MACROH2A1: variants seen among roughly 807,000 people sequenced by gnomAD.
The protein encoded by MACROH2A1 is macroH2A.1 histone.
In MACROH2A1, 2 loss-of-function variants were observed where a neutral mutation model predicts 31.6. The observed-to-expected ratio is 0.06, with a 90% CI of 0.03 to 0.20. The LOEUF is 0.20. Ranked by LOEUF, MACROH2A1 falls within the 10% of genes least tolerant of loss-of-function variation. The probability of loss-of-function intolerance (pLI) is 1.00; values close to 1 mark genes in which losing one functional copy is unlikely to be tolerated. For missense variants in MACROH2A1, 230 were observed against 474.0 expected (o/e 0.49, Z 4.78); for synonymous variants, 169 against 189.6 (o/e 0.89, Z 0.89).
At chr5:135,361,826 T>C (rs1386304078) in intron 4 of MACROH2A1, 2 of 152,270 alleles carry the variant, frequency 1.3e-5, no homozygotes, top group African/African-American at 4.8e-5. Flanking sequence ...CTTTTGCTAA[T>C]GGCTTTTAAC....
intron 2 of MACROH2A1, among the ~76,000 whole-genome samples, chr5:135,387,087 C>T (rs898938282): frequency 3.1e-4 from 47 of 152,174 alleles, no homozygotes; most frequent in Non-Finnish European, 3.2e-4. Flanking sequence ...TCACAGAGCA[C>T]GTACACTAAC....
intron 5 of MACROH2A1, chr5:135,359,228 G>A (rs1361890695): frequency 6.1e-6 from 6 of 985,292 alleles, no homozygotes; most frequent in Non-Finnish European, 6.0e-6. Flanking sequence ...GAGGGAGAAG[G>A]TGACCCCAAG....
At chr5:135,337,746 G>A (rs1352390653) in intron 8 of MACROH2A1, among the ~76,000 whole-genome samples, 4 of 152,194 alleles carry the variant, frequency 2.6e-5, no homozygotes, top group Non-Finnish European at 4.4e-5. Flanking sequence ...GGGGAGAGAG[G>A]TCAGTATCAA....
At chr5:135,356,418 G>A (rs12655487) in intron 5 of MACROH2A1, 2 of 152,366 alleles carry the variant, frequency 1.3e-5, no homozygotes, top group African/African-American at 4.8e-5. Flanking sequence ...TCTCTTTGAA[G>A]GCAGGAGTGG....
chr5:135,342,489 G>A (rs1760059209), intron 8 of MACROH2A1, among the ~76,000 whole-genome samples: 1 of 152,214 alleles, frequency 6.6e-6, no homozygotes, highest in Non-Finnish European at 1.5e-5. Context: ...CAACCAGGTA[G>A]GTATTGTGGG....
chr5:135,334,797 A>G lies in MACROH2A1; in HGVS notation c.*179T>C. ...AGTAATGCCAACTATCAGTGCTAAC[A>G]TAAAAACATTTTAGAAGGTCAAAAA... On this transcript the variant is annotated 3_prime_UTR_variant, in exon 9 of 9. Coordinates refer to ENST00000511689, the MANE Select transcript of MACROH2A1 (RefSeq NM_138610.3). The G allele has an allele frequency of 6.7e-6, 4 of 601,266 alleles. No homozygotes were observed. Among genetic ancestry groups the G allele is most frequent in the Middle Eastern group, 4.5e-4 (1 of 2,210 alleles). 37.2% of individuals were successfully genotyped at this position (601,266 alleles called of 1,614,324 possible).
intron 5 of MACROH2A1, chr5:135,356,569 G>A (rs933507025): frequency 2.6e-5 from 4 of 152,102 alleles, no homozygotes; most frequent in African/African-American, 7.2e-5. Flanking sequence ...TTCCTTTAAG[G>A]CATTGTTAAT....
chr5:135,335,218 C>G, intron 8 of MACROH2A1, 77 bp from the exon 9 acceptor site: 1 of 1,072,512 alleles, frequency 9.3e-7, no homozygotes, highest in Non-Finnish European at 1.4e-6. Context: ...TACAGGCCAC[C>G]TCCCTCTGTG....
intron 2 of MACROH2A1, among the ~76,000 whole-genome samples, chr5:135,383,949 A>C (rs1454676633): frequency 3.3e-5 from 5 of 152,174 alleles, no homozygotes; most frequent in Admixed American, 1.3e-4. Flanking sequence ...TTGGAGCATC[A>C]AAGAGCCAAG....
At chr5:135,393,490 G>A (rs1767539775) in intron 1 of MACROH2A1, among the ~76,000 whole-genome samples, 1 of 152,222 alleles carries the variant, frequency 6.6e-6, no homozygotes, top group Non-Finnish European at 1.5e-5. Context: ...TTTGACCCAT[G>A]TTCTGCATCC....
Position 135,334,938 on chromosome 5 carries a change from T to G in MACROH2A1, c.*38A>C. 1 of 1,554,224 alleles carries G rather than the reference T, an allele frequency of 6.4e-7. No individual in the cohort carries two copies. The highest frequency in any genetic ancestry group is 8.8e-7 in the Non-Finnish European group (1 of 1,136,936). On this transcript the variant is annotated 3_prime_UTR_variant, in exon 9 of 9. Transcript: ENST00000511689. ...TTTTTTTTTTCTTTTAAACTGAAGGTGGGGTACATGGTGCAGCTGGTTCTG... is the reference window on the plus strand; with the variant it reads ...TTTTTTTTTTCTTTTAAACTGAAGGGGGGGTACATGGTGCAGCTGGTTCTG...
At chr5:135,346,369 G>A in intron 6 of MACROH2A1, 3 of 328,684 alleles carry the variant, frequency 9.1e-6, no homozygotes, top group South Asian at 7.0e-5. Flanking sequence ...AAACATGCTT[G>A]TCCTGGATGC....
intron 2 of MACROH2A1, among the ~76,000 whole-genome samples, chr5:135,374,995 T>G (rs1304216069): frequency 6.6e-6 from 1 of 152,206 alleles, no homozygotes; most frequent in Non-Finnish European, 1.5e-5. Flanking sequence ...ACTAGACTGA[T>G]TTGGGGCCCA....
chr5:135,356,866 G>C (rs761074787), intron 5 of MACROH2A1: 14 of 152,210 alleles, frequency 9.2e-5, no homozygotes, highest in Non-Finnish European at 1.3e-4. Flanking sequence ...GATAGTGCCT[G>C]AGTAGTATGT....
intron 6 of MACROH2A1, among the ~76,000 whole-genome samples, chr5:135,350,254 A>G (rs969717647): frequency 6.6e-5 from 10 of 152,190 alleles, no homozygotes; most frequent in African/African-American, 2.4e-4. Context: ...ATACCATGTC[A>G]GATTGAGGTG....
chr5:135,340,132 G>A (rs920269545), intron 8 of MACROH2A1, among the ~76,000 whole-genome samples: 3 of 152,130 alleles, frequency 2.0e-5, no homozygotes, highest in Non-Finnish European at 2.9e-5. Context: ...CAATGGAGAT[G>A]GGAGGCAGGG....
chr5:135,373,610 G>C (rs1405667928), intron 2 of MACROH2A1, among the ~76,000 whole-genome samples: 2 of 152,176 alleles, frequency 1.3e-5, no homozygotes, highest in Non-Finnish European at 2.9e-5. Context: ...TGAGTAGCAA[G>C]GTGGATAAGG....
chr5:135,370,732 C>A (rs1197173339), intron 2 of MACROH2A1, among the ~76,000 whole-genome samples: 2 of 152,072 alleles, frequency 1.3e-5, no homozygotes, highest in East Asian at 3.9e-4. Flanking sequence ...GTTGTAGATT[C>A]AAAAGGTGAA....
At chr5:135,348,187 T>G (rs1051104877) in intron 6 of MACROH2A1, among the ~76,000 whole-genome samples, 3 of 152,256 alleles carry the variant, frequency 2.0e-5, no homozygotes, top group South Asian at 2.1e-4. Context: ...CACATGTTCA[T>G]GTAGACACAC....
Sources: gnomAD v4.1 joint callset for allele counts (sites outside exome capture counted in the v4.1 genomes callset) on GRCh38, gnomAD v4.1.1 for gene constraint, MANE v1.5 for transcripts, NCBI Gene and HGNC (gene_info 2026-07-23, HGNC 2026-07-21) for gene names.